The following MALRD1 variants were observed in gnomAD, a reference collection of about 807,000 sequenced individuals.
The protein encoded by MALRD1 is MAM and LDL-receptor class A domain-containing protein 1.
A neutral mutation model predicts 242.1 loss-of-function variants in MALRD1; 247 were observed. That is an observed-to-expected ratio of 1.02 (90% confidence interval 0.92 to 1.13). The LOEUF (loss-of-function observed/expected upper bound fraction) is 1.13, where lower values mean the gene tolerates loss of function less well. Ranked by LOEUF, MALRD1 falls within the 50% of genes most tolerant of loss-of-function variation. The pLI is 0.00. For missense variants in MALRD1, 2,989 were observed against 2,533.1 expected (o/e 1.18, Z -3.86); for synonymous variants, 995 against 866.6 (o/e 1.15, Z -2.60).
intron 21 of MALRD1, among the ~76,000 whole-genome samples, chr10:19,296,883 CAGTT>C (rs1564539520): frequency 6.6e-6 from 1 of 151,628 alleles, no homozygotes; most frequent in Non-Finnish European, 1.5e-5. Context: ...AGTGAAGAAT[CAGTT>C]TGTTTTTGTG....
chr10:19,116,186 G>T (rs1260465050), intron 5 of MALRD1, among the ~76,000 whole-genome samples: 2 of 152,106 alleles, frequency 1.3e-5, no homozygotes, highest in African/African-American at 4.8e-5. Context: ...TTTAATCACT[G>T]ATTCTTGAAT....
At chr10:19,637,191 AC>A (rs1330932995) in intron 36 of MALRD1, among the ~76,000 whole-genome samples, 1 of 152,202 alleles carries the variant, frequency 6.6e-6, no homozygotes, top group African/African-American at 2.4e-5. Flanking sequence ...TGTCAACCTA[AC>A]AAATAATTGC....
At chr10:19,620,526 C>G (rs985614573) in intron 36 of MALRD1, among the ~76,000 whole-genome samples, 4 of 151,958 alleles carry the variant, frequency 2.6e-5, no homozygotes, top group African/African-American at 9.7e-5. Context: ...TTACAGTAAC[C>G]TGGAAATTGT....
At position 19,087,886 on chromosome 10, in the gene MALRD1, T is replaced by A; in HGVS notation, c.387T>A (p.Ser129Arg). Residue 129 changes from serine (S) to arginine (R), a missense_variant, in exon 3 of 40, where the codon AGT (serine) becomes AGA (arginine). Physicochemically the swap from Ser to Arg is moderately radical, Grantham distance 110. Transcript: ENST00000454679. ...CCAGAGTGGATTCTATTTCCTCAAG[T>A]TTAAGAAGCAGAGTTTTCCTTCCAA... ...LVSRVDSISS[S>R]LRSRVFLPTN... 1 of 1,233,400 alleles carries A rather than the reference T, an allele frequency of 8.1e-7. No individual in the cohort carries two copies. The highest frequency in any genetic ancestry group is 1.5e-5 in the African/African-American group (1 of 64,554). 76.4% of individuals were successfully genotyped at this position (1,233,400 alleles called of 1,614,324 possible). A position where few individuals can be genotyped will look rare whatever the true frequency, so the allele number is the denominator to read the frequency against.
rs1254099699 is a variant in MALRD1, at chr10:19,128,211, T to C, written c.944-10T>C. The C allele has an allele frequency of 8.1e-7, 1 of 1,233,028 alleles. No individual in the cohort carries two copies. The highest frequency in any genetic ancestry group is 3.2e-5 in the East Asian group (1 of 31,692). The allele number at this position is 1,233,028 out of a possible 1,614,324, so 76.4% of individuals were successfully genotyped here. The stretch of plus-strand genomic sequence containing the variant: ...TTCCTAAATTGCTTCTTTTTTCTTT[T>C]ATCTTTCAGGTTATTATGTATGGGT... On this transcript the variant is annotated splice_polypyrimidine_tract_variant and intron_variant, in intron 7 of 39. Coordinates refer to ENST00000454679, the MANE Select transcript of MALRD1 (RefSeq NM_001142308.3).
At chr10:19,242,296 C>A (rs537394168) in intron 18 of MALRD1, among the ~76,000 whole-genome samples, 4 of 152,074 alleles carry the variant, frequency 2.6e-5, no homozygotes, top group Admixed American at 2.6e-4. Flanking sequence ...TGGGGGAAAC[C>A]GCCCCCATGA....
Position 19,719,212 on chromosome 10 carries a change from A to ATATATGTG in MALRD1, c.6315-11494_6315-11493insTATATGTG, listed in dbSNP as rs1589440379. ...TATACATACATATATATATATATAT[A>ATATATGTG]CACATACATACATATATATATATAT... On this transcript the variant is annotated intron_variant, in intron 38 of 39. Coordinates refer to ENST00000454679, the MANE Select transcript of MALRD1 (RefSeq NM_001142308.3). 1.8e-4 allele frequency among the ~76,000 whole-genome samples: 5 copies of ATATATGTG among 27,512 alleles called. No individual in the cohort carries two copies. In the East Asian group the frequency reaches 4.6e-3, roughly 25 times the overall value. 18.0% of individuals were successfully genotyped at this position (27,512 alleles called of 152,430 possible).
At chr10:19,101,618 A>T (rs1016728280) in intron 4 of MALRD1, among the ~76,000 whole-genome samples, 1 of 135,716 alleles carries the variant, frequency 7.4e-6, no homozygotes, top group South Asian at 2.3e-4. Context: ...GTATATATAC[A>T]TATATACATA....
chr10:19,484,141 G>A (rs1266213670), intron 29 of MALRD1, among the ~76,000 whole-genome samples: 1 of 152,130 alleles, frequency 6.6e-6, no homozygotes, highest in African/African-American at 2.4e-5. Flanking sequence ...AGAGGGAGGA[G>A]GGCAAAGATT....
chr10:19,429,185 C>T (rs1254530210), intron 28 of MALRD1, among the ~76,000 whole-genome samples: 1 of 152,056 alleles, frequency 6.6e-6, no homozygotes, highest in African/African-American at 2.4e-5. Context: ...CACGTTACAA[C>T]TGAGGAAAAC....
chr10:19,125,333 C>A (rs1481706959), intron 7 of MALRD1, among the ~76,000 whole-genome samples: 1 of 68,708 alleles, frequency 1.5e-5, no homozygotes, highest in Admixed American at 1.5e-4. Flanking sequence ...TTCTTTCTTT[C>A]TTTCTTTCTT....
intron 18 of MALRD1, among the ~76,000 whole-genome samples, chr10:19,227,570 A>T (rs950048921): frequency 1.3e-5 from 2 of 152,094 alleles, no homozygotes; most frequent in East Asian, 3.9e-4. Flanking sequence ...AATTTTTTAG[A>T]TAAGAAAAGG....
chr10:19,478,097 C>A (rs1268208891), intron 29 of MALRD1, among the ~76,000 whole-genome samples: 3 of 152,302 alleles, frequency 2.0e-5, no homozygotes, highest in Non-Finnish European at 4.4e-5. Context: ...GGAAATCTTA[C>A]CAAGGACTCT....
At chr10:19,276,512 C>G (rs544545406) in intron 19 of MALRD1, among the ~76,000 whole-genome samples, 1 of 152,034 alleles carries the variant, frequency 6.6e-6, no homozygotes, top group South Asian at 2.1e-4. Context: ...CAGCAAATTC[C>G]CTCAGAAGTG....
rs190393758 is a variant in MALRD1 at position 19,529,516 on chromosome 10, A to G, written c.5321-1678A>G. Among the ~76,000 whole-genome samples, 216 of 141,610 alleles carry G rather than the reference A, an allele frequency of 1.5e-3. 3 individuals carry two copies. In the Admixed American group the frequency reaches 0.016, roughly 10 times the overall value. 92.9% of individuals were successfully genotyped at this position (141,610 alleles called of 152,430 possible). On this transcript the variant is annotated intron_variant, in intron 31 of 39. Transcript: ENST00000454679. ...AAACAGAATCGTGAAAAGTTCAATT[A>G]AAAAACCAGAGAAGACAGAAAAAAA...
chr10:19,177,207 G>A (rs1835297569), intron 14 of MALRD1, among the ~76,000 whole-genome samples: 1 of 151,258 alleles, frequency 6.6e-6, no homozygotes, highest in Non-Finnish European at 1.5e-5. Context: ...GTGAACCGAA[G>A]AGGCGGAGCT....
chr10:19,217,132 C>A (rs1405578043), intron 18 of MALRD1, among the ~76,000 whole-genome samples: 2 of 152,108 alleles, frequency 1.3e-5, no homozygotes, highest in African/African-American at 2.4e-5. Context: ...TGGACCTCCT[C>A]ACTGAAATCA....
Position 19,498,601 on chromosome 10 carries a change from A to G in MALRD1, c.5275A>G (p.Arg1759Gly). 6.4e-7 allele frequency: 1 copy of G among 1,550,392 alleles called. No individual in the cohort carries two copies. Among genetic ancestry groups the G allele is most frequent in the Non-Finnish European group, 8.7e-7 (1 of 1,146,856 alleles). The change falls in exon 31 of 40, where the codon AGA becomes GGA. Residue 1759 changes from arginine to glycine, a missense_variant. Transcript: ENST00000454679. ...EDDLDWAIGS[R>G]IPAKALIPDS... Reference sequence around the variant, plus strand: ...TGACTTGGACTGGGCCATTGGCAGCAGAATTCCTGCCAAAGCATTAATTCC... The same window carrying G: ...TGACTTGGACTGGGCCATTGGCAGCGGAATTCCTGCCAAAGCATTAATTCC...
chr10:19,373,694 T>C (rs1431283787), intron 26 of MALRD1, among the ~76,000 whole-genome samples: 4 of 152,222 alleles, frequency 2.6e-5, no homozygotes, highest in Non-Finnish European at 5.9e-5. Context: ...GTATATGTGC[T>C]ATTCTTCACT....
Sources: allele counts gnomAD v4.1 joint callset (sites outside exome capture counted in the v4.1 genomes callset), GRCh38; gene constraint gnomAD v4.1.1; transcripts MANE v1.5; gene names NCBI Gene and HGNC (gene_info 2026-07-23, HGNC 2026-07-21).